Variants in FSTL5 observed in about 807,000 individuals in gnomAD.
FSTL5 encodes the protein follistatin-related protein 5.
FSTL5 carries 62 observed loss-of-function variants against 89.1 expected under a neutral mutation model. That is an observed-to-expected ratio of 0.70 (90% CI 0.57 to 0.86). The LOEUF (loss-of-function observed/expected upper bound fraction) is 0.86, where lower values mean the gene tolerates loss of function less well. Among genes scored for constraint, FSTL5 ranks in the 40% least tolerant of loss-of-function variants. The pLI, the probability that FSTL5 is intolerant of heterozygous loss-of-function variation, is 0.00. For missense variants in FSTL5, 1,057 were observed against 1,001.6 expected (o/e 1.06, Z -0.75); for synonymous variants, 383 against 346.2 (o/e 1.11, Z -1.18).
At chr4:162,129,282 C>T (rs1025137328) in intron 1 of FSTL5, among the ~76,000 whole-genome samples, 149 of 151,954 alleles carry the variant, frequency 9.8e-4, no homozygotes, top group African/African-American at 3.2e-3. Context: ...TGTTCAAATC[C>T]ACACCTTACC....
At chr4:161,429,369 T>C (rs1732275416) in intron 15 of FSTL5, among the ~76,000 whole-genome samples, 1 of 152,132 alleles carries the variant, frequency 6.6e-6, no homozygotes, top group African/African-American at 2.4e-5. Flanking sequence ...TGAGCAAACA[T>C]AGGTGCTAAC....
At chr4:161,553,133 A>T (rs1732270820) in intron 8 of FSTL5, among the ~76,000 whole-genome samples, 1 of 151,676 alleles carries the variant, frequency 6.6e-6, no homozygotes, top group Admixed American at 6.6e-5. Context: ...TATACACTAA[A>T]TAATTCCATA....
intron 12 of FSTL5, among the ~76,000 whole-genome samples, chr4:161,485,131 T>C (rs986525983): frequency 3.3e-5 from 5 of 152,222 alleles, no homozygotes; most frequent in African/African-American, 9.6e-5. Context: ...GACAGACATA[T>C]GAACTGAAAA....
intron 6 of FSTL5, among the ~76,000 whole-genome samples, chr4:161,718,571 G>C (rs970764420): frequency 1.3e-5 from 2 of 151,984 alleles, no homozygotes; most frequent in Non-Finnish European, 2.9e-5. Context: ...TGTGACTACA[G>C]GTGCGTGCCA....
intron 4 of FSTL5, among the ~76,000 whole-genome samples, chr4:161,864,795 C>G (rs534601473): frequency 6.9e-6 from 1 of 145,142 alleles, no homozygotes; most frequent in Admixed American, 7.2e-5. Context: ...TCACTTGAAC[C>G]CGGGAGGTAG....
intron 3 of FSTL5, among the ~76,000 whole-genome samples, chr4:161,939,062 T>A (rs1734509381): frequency 6.6e-6 from 1 of 151,958 alleles, no homozygotes; most frequent in African/African-American, 2.4e-5. Context: ...GTATAGTATA[T>A]CACTTTTCTA....
intron 6 of FSTL5, among the ~76,000 whole-genome samples, chr4:161,758,642 T>G (rs1258594026): frequency 6.6e-6 from 1 of 152,046 alleles, no homozygotes; most frequent in Non-Finnish European, 1.5e-5. Context: ...CTCAGCCTCC[T>G]GAGTAGCTGG....
intron 4 of FSTL5, among the ~76,000 whole-genome samples, chr4:161,789,194 T>C (rs1459411033): frequency 1.3e-5 from 2 of 152,142 alleles, no homozygotes; most frequent in Non-Finnish European, 2.9e-5. Context: ...TCTTAGGCTC[T>C]ATAATTAAAA....
chr4:161,622,141 A>T (rs952382079), intron 7 of FSTL5, among the ~76,000 whole-genome samples: 27 of 152,180 alleles, frequency 1.8e-4, no homozygotes, highest in African/African-American at 6.3e-4. Context: ...AGGAATTTAG[A>T]AAAATGGACA....
intron 3 of FSTL5, among the ~76,000 whole-genome samples, chr4:161,975,304 A>G (rs1380245118): frequency 5.9e-5 from 9 of 151,762 alleles, no homozygotes; most frequent in African/African-American, 7.3e-5. Context: ...ACATGCACAC[A>G]TATGTTTATT....
chr4:162,156,479 C>T (rs140259462), intron 1 of FSTL5, among the ~76,000 whole-genome samples: 5 of 152,244 alleles, frequency 3.3e-5, no homozygotes, highest in African/African-American at 9.6e-5. Context: ...ATAGCAAAGA[C>T]ATGGATTCAA....
chr4:161,455,228 T>C, intron 14 of FSTL5, 100 bp from the exon 15 acceptor site: 2 of 943,922 alleles, frequency 2.1e-6, no homozygotes, highest in Middle Eastern at 5.1e-4. Context: ...CTGGCAGTTG[T>C]TTGCATAGAC....
chr4:161,724,279 A>G (rs998323655), intron 6 of FSTL5, among the ~76,000 whole-genome samples: 2 of 152,188 alleles, frequency 1.3e-5, no homozygotes, highest in African/African-American at 4.8e-5. Context: ...CAACACCAGA[A>G]TAATAAAATA....
chr4:161,436,755 A>AT (rs1732573259), intron 15 of FSTL5, among the ~76,000 whole-genome samples: 4 of 152,206 alleles, frequency 2.6e-5, no homozygotes, highest in Non-Finnish European at 5.9e-5. Flanking sequence ...GCCTGTCACA[A>AT]CTTTGGAACA....
chr4:161,667,079 C>T (rs1736927163), intron 6 of FSTL5, among the ~76,000 whole-genome samples: 1 of 151,958 alleles, frequency 6.6e-6, no homozygotes, highest in African/African-American at 2.4e-5. Context: ...TTAATTCAAG[C>T]AGTTTTACAT....
intron 6 of FSTL5, among the ~76,000 whole-genome samples, chr4:161,748,242 T>C (rs1740269746): frequency 6.6e-6 from 1 of 152,190 alleles, no homozygotes; most frequent in Non-Finnish European, 1.5e-5. Context: ...TTACTGTTTT[T>C]GAAATGCCTA....
chr4:161,621,991 C>G (rs943884071), intron 7 of FSTL5, among the ~76,000 whole-genome samples: 16 of 151,514 alleles, frequency 1.1e-4, no homozygotes, highest in South Asian at 2.1e-4. Context: ...CACGAAACTC[C>G]CTCTCAAAAA....
chr4:161,508,112 AT>A (rs1730539390), intron 11 of FSTL5, among the ~76,000 whole-genome samples: 1 of 152,028 alleles, frequency 6.6e-6, no homozygotes, highest in African/African-American at 2.4e-5. Context: ...GTTACCTATA[AT>A]TTTAATTATT....
intron 15 of FSTL5, among the ~76,000 whole-genome samples, chr4:161,422,190 A>T (rs1233483755): frequency 6.6e-6 from 1 of 152,034 alleles, no homozygotes; most frequent in East Asian, 1.9e-4. Flanking sequence ...TATAGTTGGC[A>T]TTACATAATT....
Sources: gnomAD v4.1 joint callset for allele counts (sites outside exome capture counted in the v4.1 genomes callset) on GRCh38, gnomAD v4.1.1 for gene constraint, MANE v1.5 for transcripts, NCBI Gene and HGNC (gene_info 2026-07-23, HGNC 2026-07-21) for gene names.